Variants in SHANK2 observed in about 807,000 individuals in gnomAD.
The protein encoded by SHANK2 is SH3 and multiple ankyrin repeat domains 2.
In SHANK2, 43 loss-of-function variants were observed where a neutral mutation model predicts 133.7. That is an observed-to-expected ratio of 0.32 (90% CI 0.25 to 0.41). The LOEUF is 0.41. Among genes scored for constraint, SHANK2 ranks in the 10% least tolerant of loss-of-function variants. The pLI, the probability that SHANK2 is intolerant of heterozygous loss-of-function variation, is 1.00. For synonymous variants in SHANK2, 1,017 were observed against 952.8 expected (o/e 1.07, Z -1.24); for missense variants, 1,994 against 2,235.8 (o/e 0.89, Z 2.18).
At chr11:70,669,433 CT>C (rs1944752539) in intron 15 of SHANK2, 1 of 152,390 alleles carries the variant, frequency 6.6e-6, no homozygotes, top group Non-Finnish European at 1.5e-5. Flanking sequence ...GAGGAGGGGG[CT>C]GCACATCTGA....
chr11:70,699,362 G>A (rs550326961), intron 14 of SHANK2, among the ~76,000 whole-genome samples: 2 of 152,026 alleles, frequency 1.3e-5, no homozygotes, highest in South Asian at 2.1e-4. Flanking sequence ...TATGAGTGAT[G>A]TAATTAGATT....
intron 17 of SHANK2, among the ~76,000 whole-genome samples, chr11:70,602,419 T>C (rs1443192332): frequency 6.6e-6 from 1 of 152,162 alleles, no homozygotes; most frequent in African/African-American, 2.4e-5. Flanking sequence ...TCCTAACACC[T>C]ACACTCAGAC....
chr11:70,763,324 C>A (rs1190766825), intron 14 of SHANK2, among the ~76,000 whole-genome samples: 1 of 147,098 alleles, frequency 6.8e-6, no homozygotes, highest in Non-Finnish European at 1.5e-5. Context: ...GAACTCCCAT[C>A]CCCATGGGAC....
chr11:70,871,043 G>T (rs1949452109), intron 11 of SHANK2, among the ~76,000 whole-genome samples: 1 of 152,212 alleles, frequency 6.6e-6, no homozygotes, highest in Non-Finnish European at 1.5e-5. Flanking sequence ...CTCCCAAAGT[G>T]CTGGGATTAT....
At chr11:70,849,088 A>G (rs1203984679) in intron 11 of SHANK2, among the ~76,000 whole-genome samples, 1 of 152,088 alleles carries the variant, frequency 6.6e-6, no homozygotes, top group Admixed American at 6.5e-5. Flanking sequence ...CACACTCCGG[A>G]ATGTTCAGAC....
At chr11:71,208,954 G>A (rs887898715) in intron 2 of SHANK2, among the ~76,000 whole-genome samples, 6 of 152,200 alleles carry the variant, frequency 3.9e-5, no homozygotes, top group Non-Finnish European at 7.3e-5. Flanking sequence ...CATGTCTCCA[G>A]GAAAAGGCAT....
At chr11:70,637,913 G>A (rs1399776433) in intron 17 of SHANK2, among the ~76,000 whole-genome samples, 3 of 152,148 alleles carry the variant, frequency 2.0e-5, no homozygotes, top group African/African-American at 2.4e-5. Context: ...CACAGCTCAC[G>A]CCAAGCCGGC....
chr11:70,529,800 C>T (rs531166532), intron 17 of SHANK2, among the ~76,000 whole-genome samples: 1 of 152,354 alleles, frequency 6.6e-6, no homozygotes, highest in South Asian at 2.1e-4. Flanking sequence ...TCTGGCCTTT[C>T]ATGCCTGGCG....
intron 3 of SHANK2, among the ~76,000 whole-genome samples, chr11:71,135,739 A>T (rs144788444): frequency 0.017 from 2,521 of 152,214 alleles, 79 homozygotes; most frequent in African/African-American, 0.058. Context: ...TACAGGCATG[A>T]GCCACCGTGC....
At chr11:70,688,218 T>C (rs958830810) in intron 15 of SHANK2, among the ~76,000 whole-genome samples, 1 of 152,166 alleles carries the variant, frequency 6.6e-6, no homozygotes, top group Non-Finnish European at 1.5e-5. Context: ...CTGCAGGGCA[T>C]GAGGAGGCCC....
At chr11:70,766,457 G>A (rs1947126060) in intron 14 of SHANK2, among the ~76,000 whole-genome samples, 1 of 152,162 alleles carries the variant, frequency 6.6e-6, no homozygotes, top group Admixed American at 6.5e-5. Context: ...GGGGAGGAAG[G>A]GGTCTCTTCT....
chr11:71,208,666 G>T (rs1357250087), intron 2 of SHANK2, among the ~76,000 whole-genome samples: 1 of 152,122 alleles, frequency 6.6e-6, no homozygotes, highest in African/African-American at 2.4e-5. Flanking sequence ...CACTGGCTTG[G>T]AATCCTGATT....
At chr11:70,529,816 C>G (rs1591541318) in intron 17 of SHANK2, among the ~76,000 whole-genome samples, 1 of 152,216 alleles carries the variant, frequency 6.6e-6, no homozygotes, top group South Asian at 2.1e-4. Context: ...TGGCGTCTTT[C>G]ACCTGGCCTC....
chr11:70,725,735 G>A (rs990650479), intron 14 of SHANK2, among the ~76,000 whole-genome samples: 1 of 94,714 alleles, frequency 1.1e-5, no homozygotes, highest in African/African-American at 6.7e-5. Flanking sequence ...GCACATTGTC[G>A]GTAACTCTAC....
At position 71,203,438 on chromosome 11, in the gene SHANK2, ATAAAGGGT is replaced by A. The variant is rs566478423; in HGVS notation, c.-13+21251_-13+21258del. Among the ~76,000 whole-genome samples, 523 of 152,278 alleles carry A rather than the reference ATAAAGGGT, an allele frequency of 3.4e-3. 2 individuals carry two copies. Among genetic ancestry groups the A allele is most frequent in the Non-Finnish European group, 5.7e-3 (388 of 68,020 alleles). On this transcript the variant is annotated intron_variant, in intron 2 of 25. Coordinates refer to ENST00000601538, the MANE Select transcript of SHANK2 (RefSeq NM_012309.5). ...CCAGACATTTTAATACTGTAGTGCA[ATAAAGGGT>A]TAACTCAGCAGGCCTGGGTTGTCCA...
At chr11:70,687,477 C>T (rs1591750109) in intron 15 of SHANK2, among the ~76,000 whole-genome samples, 1 of 152,288 alleles carries the variant, frequency 6.6e-6, no homozygotes, top group East Asian at 1.9e-4. Context: ...AGTGACCTCA[C>T]GTTGGCAGCT....
At chr11:70,599,863 A>AG (rs1404248612) in intron 17 of SHANK2, among the ~76,000 whole-genome samples, 1 of 68,250 alleles carries the variant, frequency 1.5e-5, no homozygotes. Context: ...GAAAGAAATA[A>AG]AAAGAAAGAA....
At chr11:71,214,020 C>CAGGT (rs1954346171) in intron 2 of SHANK2, among the ~76,000 whole-genome samples, 1 of 152,164 alleles carries the variant, frequency 6.6e-6, no homozygotes, top group Non-Finnish European at 1.5e-5. Flanking sequence ...GCCCCAGGAC[C>CAGGT]AGGTGCCAGG....
chr11:71,132,861 T>C (rs1555103917), intron 3 of SHANK2, among the ~76,000 whole-genome samples: 1 of 152,136 alleles, frequency 6.6e-6, no homozygotes. Flanking sequence ...AATAGTCAAG[T>C]GTAAACCACT....
Sources: allele counts gnomAD v4.1 joint callset (sites outside exome capture counted in the v4.1 genomes callset), GRCh38; gene constraint gnomAD v4.1.1; transcripts MANE v1.5; gene names NCBI Gene and HGNC (gene_info 2026-07-23, HGNC 2026-07-21).